The following UBA6 variants were observed in gnomAD, a reference collection of about 807,000 sequenced individuals.
The protein encoded by UBA6 is ubiquitin like modifier activating enzyme 6, also known as ubiquitin-like modifier-activating enzyme 6.
UBA6 carries 87 observed loss-of-function variants against 148.3 expected under a neutral mutation model. The ratio of observed to expected loss-of-function variants is 0.59; its 90% CI spans 0.49 to 0.70. UBA6 has a LOEUF of 0.70. Ranked by LOEUF, UBA6 falls within the 30% of genes least tolerant of loss-of-function variation. The pLI is 0.00. For synonymous variants in UBA6, 376 were observed against 401.0 expected, an observed-to-expected ratio of 0.94 and a Z score of 0.75; for missense variants, 1,186 against 1,241.2, an observed-to-expected ratio of 0.96 and a Z score of 0.67.
intron 1 of UBA6, among the ~76,000 whole-genome samples, chr4:67,699,895 T>C (rs1283400736): frequency 6.6e-6 from 1 of 152,202 alleles, no homozygotes; most frequent in Non-Finnish European, 1.5e-5. Flanking sequence ...TTTGAGCCAC[T>C]GCGCCCGGCC....
chr4:67,637,747 C>A (rs553908492), intron 19 of UBA6, among the ~76,000 whole-genome samples: 1 of 152,038 alleles, frequency 6.6e-6, no homozygotes, highest in Admixed American at 6.6e-5. Flanking sequence ...GCAGCATGCT[C>A]GTCAAGAGTC....
chr4:67,663,867 T>A lies in UBA6; in HGVS notation c.960+18A>T. On this transcript the variant is annotated intron_variant, in intron 11 of 32. Coordinates refer to ENST00000322244, the MANE Select transcript of UBA6 (RefSeq NM_018227.6). ...CTGATTCTGCTGCCTCTCTCAAACCTGCAAAGTGTTTATTTACCTCAGGGT... is the reference window on the plus strand; with the variant it reads ...CTGATTCTGCTGCCTCTCTCAAACCAGCAAAGTGTTTATTTACCTCAGGGT... 1 of 1,610,362 alleles carries A rather than the reference T, an allele frequency of 6.2e-7. No homozygotes were observed. The highest frequency in any genetic ancestry group is 8.5e-7 in the Non-Finnish European group (1 of 1,176,768).
At chr4:67,624,947 G>C in intron 29 of UBA6, 47 bp downstream of exon 29, 1 of 1,506,436 alleles carries the variant, frequency 6.6e-7, no homozygotes, top group Non-Finnish European at 9.1e-7. Flanking sequence ...AGTCAGGGAA[G>C]AGGCAATGAA....
chr4:67,651,009 G>A (rs890367385), intron 13 of UBA6, among the ~76,000 whole-genome samples: 10 of 152,096 alleles, frequency 6.6e-5, no homozygotes, highest in African/African-American at 9.7e-5. Context: ...CCTAAGAGAA[G>A]AGAATACTAC....
chr4:67,656,433 A>G (rs1729697595), intron 13 of UBA6, among the ~76,000 whole-genome samples: 1 of 152,232 alleles, frequency 6.6e-6, no homozygotes, highest in African/African-American at 2.4e-5. Context: ...CAAAAACCAC[A>G]TGATTATCTC....
chr4:67,678,357 C>G, intron 5 of UBA6, 82 bp downstream of exon 5: 2 of 769,888 alleles, frequency 2.6e-6, no homozygotes, highest in African/African-American at 3.6e-5. Flanking sequence ...ACAACTATGA[C>G]TGATTGGTGT....
chr4:67,672,814 C>T (rs1730182479), intron 7 of UBA6, among the ~76,000 whole-genome samples: 1 of 152,090 alleles, frequency 6.6e-6, no homozygotes, highest in Non-Finnish European at 1.5e-5. Context: ...TCTCATTACT[C>T]GGAGCCCTAC....
At chr4:67,684,230 T>G (rs990235087) in intron 2 of UBA6, among the ~76,000 whole-genome samples, 1 of 152,222 alleles carries the variant, frequency 6.6e-6, no homozygotes, top group Non-Finnish European at 1.5e-5. Context: ...GGGCTGGCCC[T>G]TGGTTGGCAC....
At chr4:67,673,394 C>T (rs68076498) in intron 7 of UBA6, among the ~76,000 whole-genome samples, 12,657 of 130,518 alleles carry the variant, frequency 0.097, 730 homozygotes, top group Middle Eastern at 0.23. Flanking sequence ...CCAGCCTGGG[C>T]GATAGAATGA....
intron 9 of UBA6, among the ~76,000 whole-genome samples, chr4:67,666,950 T>C (rs1366269132): frequency 1.3e-5 from 2 of 152,176 alleles, no homozygotes; most frequent in Non-Finnish European, 2.9e-5. Flanking sequence ...AATATTACTT[T>C]AGATCAGTAA....
At chr4:67,653,269 C>T (rs1013252850) in intron 13 of UBA6, among the ~76,000 whole-genome samples, 16 of 152,172 alleles carry the variant, frequency 1.1e-4, no homozygotes, top group African/African-American at 3.1e-4. Context: ...GAAACACCTC[C>T]CAGTAGGGGC....
rs1382321335 is a variant in UBA6, at chr4:67,618,043, A to AC, written c.*953_*954insG. On this transcript the variant is annotated 3_prime_UTR_variant, in exon 33 of 33. Transcript: ENST00000322244. ...AACATGCTTCTGTTTAAAAAAAAAA[A>AC]ACAAAAAAAACACAAAATTTAATAC... 5.6e-4 allele frequency: 85 copies of AC among 150,650 alleles called. 1 individual carries two copies. The highest frequency in any genetic ancestry group is 1.9e-3 in the African/African-American group (77 of 41,250). 9.3% of individuals were successfully genotyped at this position (150,650 alleles called of 1,614,324 possible). A position where few individuals can be genotyped will look rare whatever the true frequency, so the allele number is the denominator to read the frequency against.
At chr4:67,693,221 C>T (rs1455730026) in intron 2 of UBA6, among the ~76,000 whole-genome samples, 1 of 151,998 alleles carries the variant, frequency 6.6e-6, no homozygotes, top group Non-Finnish European at 1.5e-5. Context: ...AAGATGAAGA[C>T]CTTTATGATA....
intron 29 of UBA6, 113 bp downstream of exon 29, chr4:67,624,881 A>C: frequency 1.2e-6 from 1 of 807,636 alleles, no homozygotes; most frequent in Non-Finnish European, 1.9e-6. Flanking sequence ...TATGAGATCC[A>C]ATATTTATCC....
At chr4:67,691,038 G>C (rs149495451) in intron 2 of UBA6, among the ~76,000 whole-genome samples, 3 of 152,112 alleles carry the variant, frequency 2.0e-5, no homozygotes, top group African/African-American at 7.2e-5. Flanking sequence ...TAAAAATATA[G>C]TTGTCCCGTG....
At chr4:67,620,872 G>A (rs1577784389) in intron 32 of UBA6, among the ~76,000 whole-genome samples, 1 of 152,220 alleles carries the variant, frequency 6.6e-6, no homozygotes, top group East Asian at 1.9e-4. Context: ...AAACTAAGCA[G>A]CTGAGCAAGA....
intron 8 of UBA6, 78 bp from the exon 9 acceptor site, chr4:67,668,752 A>T: frequency 2.2e-6 from 3 of 1,374,108 alleles, no homozygotes; most frequent in Non-Finnish European, 3.0e-6. Flanking sequence ...TTAAGCAAAA[A>T]TGACAAAGTT....
chr4:67,674,632 T>A (rs1730233334), intron 6 of UBA6, among the ~76,000 whole-genome samples: 1 of 152,232 alleles, frequency 6.6e-6, no homozygotes, highest in Admixed American at 6.5e-5. Flanking sequence ...ATTTCCTGCA[T>A]CTGTGAAACA....
intron 13 of UBA6, among the ~76,000 whole-genome samples, chr4:67,659,607 G>GAATATATAAAATATAT (rs1729789797): frequency 7.2e-6 from 1 of 139,226 alleles, no homozygotes; most frequent in African/African-American, 2.7e-5. Context: ...CCCAAAACTG[G>GAATATATAAAATATAT]GTATTTTATA....
Sources: gnomAD v4.1 joint callset for allele counts (sites outside exome capture counted in the v4.1 genomes callset) on GRCh38, gnomAD v4.1.1 for gene constraint, MANE v1.5 for transcripts, NCBI Gene and HGNC (gene_info 2026-07-23, HGNC 2026-07-21) for gene names.